AFF4: variants seen among roughly 807,000 people sequenced by gnomAD.
AFF4 encodes ALF transcription elongation factor 4.
Under a neutral mutation model 124.8 loss-of-function variants are expected in AFF4, and 13 were observed. The ratio of observed to expected loss-of-function variants is 0.10; its 90% CI spans 0.07 to 0.17. The LOEUF (loss-of-function observed/expected upper bound fraction) is 0.17. AFF4 is among the 10% of genes least tolerant of loss of function. AFF4 has a pLI of 1.00. For missense variants in AFF4, 1,092 were observed against 1,403.8 expected, an observed-to-expected ratio of 0.78 and a Z score of 3.55; for synonymous variants, 477 against 496.1, an observed-to-expected ratio of 0.96 and a Z score of 0.51.
chr5:132,957,858 C>T (rs1200598564), intron 1 of AFF4, among the ~76,000 whole-genome samples: 1 of 152,112 alleles, frequency 6.6e-6, no homozygotes, highest in East Asian at 1.9e-4. Flanking sequence ...TATCATAGGG[C>T]AAAGACCTGG....
At chr5:132,890,001 C>G (rs994013048) in intron 13 of AFF4, among the ~76,000 whole-genome samples, 1 of 152,066 alleles carries the variant, frequency 6.6e-6, no homozygotes, top group Admixed American at 6.5e-5. Context: ...TCTCAACTGC[C>G]TTCCATCCAG....
chr5:132,915,171 C>T (rs1760879762), intron 5 of AFF4, among the ~76,000 whole-genome samples: 2 of 152,018 alleles, frequency 1.3e-5, no homozygotes, highest in Admixed American at 1.3e-4. Context: ...GAAACCCTGT[C>T]TCTACTAAAA....
intron 1 of AFF4, among the ~76,000 whole-genome samples, chr5:132,953,988 C>T (rs1761897332): frequency 6.6e-6 from 1 of 152,158 alleles, no homozygotes; most frequent in African/African-American, 2.4e-5. Context: ...TTAAAGTCCT[C>T]AACATGGCTT....
intron 4 of AFF4, 43 bp downstream of exon 4, chr5:132,932,135 A>T: frequency 3.3e-6 from 5 of 1,494,200 alleles, no homozygotes; most frequent in Non-Finnish European, 4.6e-6. Context: ...GGCAGAGCAT[A>T]AAAAATTAAA....
intron 1 of AFF4, among the ~76,000 whole-genome samples, chr5:132,954,829 G>T (rs978890059): frequency 6.6e-6 from 1 of 152,094 alleles, no homozygotes; most frequent in Admixed American, 6.6e-5. Context: ...TTACAGGCGT[G>T]AGCCACCGCG....
intron 11 of AFF4, among the ~76,000 whole-genome samples, chr5:132,894,949 C>T (rs569651692): frequency 1.3e-5 from 2 of 152,060 alleles, no homozygotes; most frequent in Non-Finnish European, 1.5e-5. Context: ...AATACCCTGT[C>T]TCTAAAAGTA....
chr5:132,963,466 C>T lies in AFF4; in HGVS notation c.-212G>A, dbSNP rs1050550051. 2 of 398,278 alleles carry T rather than the reference C, an allele frequency of 5.0e-6. No individual in the cohort carries two copies. The highest frequency in any genetic ancestry group is 4.4e-6 in the Non-Finnish European group (1 of 225,878). The allele number at this position is 398,278 out of a possible 1,614,324, so 24.7% of individuals were successfully genotyped here. The stretch of plus-strand genomic sequence containing the variant: ...GCGGCGGCGGCAGCGATGCGCCTCA[C>T]ACGGAACAGGCGTAGGCCCCGCACC... On this transcript the variant is annotated 5_prime_UTR_variant, in exon 1 of 21. It adds an upstream start codon to the 5' untranslated region. Coordinates refer to ENST00000265343, the MANE Select transcript of AFF4 (RefSeq NM_014423.4).
At chr5:132,953,187 T>C (rs1761883505) in intron 1 of AFF4, among the ~76,000 whole-genome samples, 1 of 151,976 alleles carries the variant, frequency 6.6e-6, no homozygotes, top group African/African-American at 2.4e-5. Context: ...AATTGTATTA[T>C]CTTTTTTTAA....
intron 5 of AFF4, among the ~76,000 whole-genome samples, chr5:132,923,550 T>G (rs1320563201): frequency 6.6e-6 from 1 of 150,718 alleles, no homozygotes; most frequent in East Asian, 2.0e-4. Context: ...GCCTGAGCAG[T>G]AGAGTGAGAC....
rs1202379531 is a variant in AFF4 at position 132,963,430 on chromosome 5, AGGCGGCGTC to A, written c.-185_-177del. 2 of 397,964 alleles carry A rather than the reference AGGCGGCGTC, an allele frequency of 5.0e-6. No homozygotes were observed. Among genetic ancestry groups the A allele is most frequent in the African/African-American group, 2.1e-5 (1 of 48,512 alleles). 24.7% of individuals were successfully genotyped at this position (397,964 alleles called of 1,614,324 possible). A position where few individuals can be genotyped will look rare whatever the true frequency, so the allele number is the denominator to read the frequency against. On this transcript the variant is annotated 5_prime_UTR_variant, in exon 1 of 21. Transcript: ENST00000265343. ...GGGTTCCGGAGGCCTCGACAAACGA[AGGCGGCGTC>A]GGCGGCGGCGGCAGCGATGCGCCTC...
intron 1 of AFF4, among the ~76,000 whole-genome samples, chr5:132,953,618 C>G (rs1034293976): frequency 6.6e-6 from 1 of 152,098 alleles, no homozygotes; most frequent in Non-Finnish European, 1.5e-5. Context: ...CCCTTATCAC[C>G]AACCACTCCT....
At chr5:132,953,162 C>CT (rs1270223912) in intron 1 of AFF4, among the ~76,000 whole-genome samples, 10 of 116,410 alleles carry the variant, frequency 8.6e-5, no homozygotes, top group Admixed American at 7.8e-4. Context: ...TCTGTCTCTA[C>CT]TAAAAAAAAA....
chr5:132,918,665 TAA>T (rs2150087185), intron 5 of AFF4, among the ~76,000 whole-genome samples: 1 of 152,030 alleles, frequency 6.6e-6, no homozygotes, highest in South Asian at 2.1e-4. Flanking sequence ...AACAAAAAGA[TAA>T]CTCTAACAAA....
rs933541270 is a variant in AFF4, at chr5:132,931,801, G to A, written c.963+377C>T. 5.3e-5 allele frequency among the ~76,000 whole-genome samples: 8 copies of A among 152,240 alleles called. No individual in the cohort carries two copies. In the South Asian group the frequency reaches 6.2e-4, roughly 12 times the overall value. Reference sequence around the variant, plus strand: ...CTCCGCAAAAATACAAAAATCAGCCGGGCATGATGGCGGGAGCCTGTAATC... The same window carrying A: ...CTCCGCAAAAATACAAAAATCAGCCAGGCATGATGGCGGGAGCCTGTAATC... On this transcript the variant is annotated intron_variant, in intron 4 of 20. Coordinates refer to ENST00000265343, the MANE Select transcript of AFF4 (RefSeq NM_014423.4).
intron 5 of AFF4, among the ~76,000 whole-genome samples, chr5:132,912,398 C>A (rs186154772): frequency 6.6e-6 from 1 of 152,190 alleles, no homozygotes; most frequent in African/African-American, 2.4e-5. Flanking sequence ...GGTCTCACTA[C>A]CACCCAGACT....
chr5:132,880,828 TATC>T lies in AFF4; in HGVS notation c.*228_*230del. 2.6e-6 allele frequency: 1 copy of T among 381,306 alleles called. No individual in the cohort carries two copies. The highest frequency in any genetic ancestry group is 4.1e-5 in the East Asian group (1 of 24,156). 23.6% of individuals were successfully genotyped at this position (381,306 alleles called of 1,614,324 possible). A position where few individuals can be genotyped will look rare whatever the true frequency, so the allele number is the denominator to read the frequency against. ...TTATCATAGCTCACGGAAACCATCTTATCAATGTGCTGCAGATTTAAAAGCATT... is the reference window on the plus strand; with the variant it reads ...TTATCATAGCTCACGGAAACCATCTTAATGTGCTGCAGATTTAAAAGCATT... On this transcript the variant is annotated 3_prime_UTR_variant, in exon 21 of 21. Coordinates refer to ENST00000265343, the MANE Select transcript of AFF4 (RefSeq NM_014423.4).
At chr5:132,899,067 C>A (rs1281322150) in intron 9 of AFF4, 37 bp downstream of exon 9, 1 of 1,597,910 alleles carries the variant, frequency 6.3e-7, no homozygotes. Context: ...GCTGACCCAA[C>A]TCTTACCAAT....
chr5:132,900,462 T>G (rs1342661384), intron 7 of AFF4, among the ~76,000 whole-genome samples: 1 of 151,664 alleles, frequency 6.6e-6, no homozygotes, highest in Non-Finnish European at 1.5e-5. Flanking sequence ...GAGGATGAGG[T>G]AGGAGGAGAA....
In AFF4 at chr5:132,899,601, T is replaced by C. The variant is rs1213738925; in HGVS notation, c.1174A>G (p.Ser392Gly). ...AGTAGACACACCTGTTCCCCATCAC[T>C]GTCTTCACTGCTGCTTAGTTTTAAG... Reference protein sequence around the residue: ...DDLKLSSSEDSDGEQDCDKTM... With the variant: ...DDLKLSSSEDGDGEQDCDKTM... The change falls in exon 8 of 21, where the codon AGT becomes GGT. Residue 392 changes from serine to glycine, a missense_variant. By Grantham distance (56) the Ser-to-Gly change is moderately conservative. Transcript: ENST00000265343. 1 of 1,612,428 alleles carries C rather than the reference T, an allele frequency of 6.2e-7. No individual in the cohort carries two copies. Among genetic ancestry groups the C allele is most frequent in the Non-Finnish European group, 8.5e-7 (1 of 1,179,090 alleles).
Sources: allele counts gnomAD v4.1 joint callset (sites outside exome capture counted in the v4.1 genomes callset), GRCh38; gene constraint gnomAD v4.1.1; transcripts MANE v1.5; gene names NCBI Gene and HGNC (gene_info 2026-07-23, HGNC 2026-07-21).